The following FAF1 variants were observed in gnomAD, a reference collection of about 807,000 sequenced individuals.
The protein encoded by FAF1 is FAS-associated factor 1.
Under a neutral mutation model 92.5 loss-of-function variants are expected in FAF1, and 25 were observed. The ratio of observed to expected loss-of-function variants is 0.27; its 90% CI spans 0.20 to 0.38. The LOEUF (loss-of-function observed/expected upper bound fraction) is 0.38. FAF1 is among the 10% of genes least tolerant of loss of function. The pLI is 1.00. For synonymous variants in FAF1, 234 were observed against 273.2 expected (o/e 0.86, Z 1.42); for missense variants, 636 against 793.3 (o/e 0.80, Z 2.38).
At chr1:50,475,131 C>G (rs768316214) in intron 18 of FAF1, among the ~76,000 whole-genome samples, 32 of 152,322 alleles carry the variant, frequency 2.1e-4, no homozygotes, top group Non-Finnish European at 3.8e-4. Flanking sequence ...ACATACAATT[C>G]TCAGGTATAT....
chr1:50,665,952 G>A (rs1284166592), intron 7 of FAF1, among the ~76,000 whole-genome samples: 1 of 151,998 alleles, frequency 6.6e-6, no homozygotes. Context: ...CAAGGTGGGC[G>A]GATCCCTTGA....
intron 8 of FAF1, among the ~76,000 whole-genome samples, chr1:50,623,338 C>A (rs546501916): frequency 6.6e-6 from 1 of 151,508 alleles, no homozygotes; most frequent in Non-Finnish European, 1.5e-5. Context: ...GAGGCCAAGG[C>A]GGGTGGACTG....
intron 13 of FAF1, among the ~76,000 whole-genome samples, chr1:50,564,675 T>A (rs1462347999): frequency 1.3e-5 from 2 of 152,080 alleles, no homozygotes; most frequent in Non-Finnish European, 2.9e-5. Context: ...GGTGTAAAAA[T>A]CCAAGAAAGA....
chr1:50,617,977 T>A (rs1653006324), intron 8 of FAF1, among the ~76,000 whole-genome samples: 1 of 152,124 alleles, frequency 6.6e-6, no homozygotes, highest in Admixed American at 6.6e-5. Context: ...AGATCTTTTG[T>A]ATTTCTGTGG....
chr1:50,736,357 A>G (rs1222696296), intron 6 of FAF1, among the ~76,000 whole-genome samples: 5 of 152,252 alleles, frequency 3.3e-5, no homozygotes, highest in Admixed American at 1.3e-4. Flanking sequence ...TTCATTATGA[A>G]GTCTAGTACA....
At chr1:50,633,545 G>T (rs1315059727) in intron 8 of FAF1, among the ~76,000 whole-genome samples, 9 of 152,100 alleles carry the variant, frequency 5.9e-5, no homozygotes. Flanking sequence ...TCAAGCTGCC[G>T]CTGAATGTCA....
rs1237413130 is a variant in FAF1, at chr1:50,811,326, G to A, written c.115-9649C>T. Among the ~76,000 whole-genome samples, 3 of 151,780 alleles carry A rather than the reference G, an allele frequency of 2.0e-5. No individual in the cohort carries two copies. The East Asian group carries it at 5.8e-4, about 29-fold the overall frequency. ...TGCACTCCAGCTTGAGTAACAGAGG[G>A]GTCAAACAACAAAAACAACAACAGC... On this transcript the variant is annotated intron_variant, in intron 2 of 18. Transcript: ENST00000396153.
rs188738568 is a variant in FAF1, at chr1:50,497,739, G to A, written c.1495-5938C>T. Among the ~76,000 whole-genome samples the A allele has an allele frequency of 3.1e-4, 47 of 151,570 alleles. No homozygotes were observed. In the East Asian group the frequency reaches 8.6e-3, roughly 28 times the overall value. On this transcript the variant is annotated intron_variant, in intron 15 of 18. Coordinates refer to ENST00000396153, the MANE Select transcript of FAF1 (RefSeq NM_007051.3). ...AATATTTTGTATTTTTAGTAGAGAC[G>A]GGGTTTCACCATCTTGGCCAGGCTG...
At chr1:50,632,459 G>A (rs1465480322) in intron 8 of FAF1, among the ~76,000 whole-genome samples, 1 of 152,004 alleles carries the variant, frequency 6.6e-6, no homozygotes, top group African/African-American at 2.4e-5. Flanking sequence ...CAATAAATCA[G>A]GAACACATCT....
At chr1:50,901,577 T>C (rs927179192) in intron 1 of FAF1, among the ~76,000 whole-genome samples, 2 of 151,692 alleles carry the variant, frequency 1.3e-5, no homozygotes, top group East Asian at 3.9e-4. Flanking sequence ...AACTGTTGGC[T>C]GGCCACAGTG....
intron 1 of FAF1, among the ~76,000 whole-genome samples, chr1:50,903,929 G>A (rs1644815582): frequency 1.3e-5 from 2 of 152,110 alleles, no homozygotes; most frequent in South Asian, 4.1e-4. Context: ...CTACGTACAT[G>A]AAAACTGTAT....
intron 15 of FAF1, among the ~76,000 whole-genome samples, chr1:50,533,400 A>AT (rs200611700): frequency 1.3e-5 from 2 of 151,320 alleles, no homozygotes; most frequent in African/African-American, 2.4e-5. Context: ...TTGTAACCAA[A>AT]TTTTTTTTTC....
intron 1 of FAF1, among the ~76,000 whole-genome samples, chr1:50,908,701 CT>C (rs561269046): frequency 7.3e-5 from 11 of 150,280 alleles, no homozygotes; most frequent in East Asian, 1.9e-4. Flanking sequence ...CAACCCCTGC[CT>C]TTTTTTTTGC....
chr1:50,846,492 A>C lies in FAF1; in HGVS notation c.114+11437T>G, dbSNP rs1392240642. ...GCATGCCCCGCTATAAGCTGGCTTT[A>C]ATCCTGAAAGCCATGCCGCGGCCAG... On this transcript the variant is annotated intron_variant, in intron 2 of 18. Coordinates refer to ENST00000396153, the MANE Select transcript of FAF1 (RefSeq NM_007051.3). The C allele has an allele frequency of 1.0e-5, 5 of 489,022 alleles. No individual in the cohort carries two copies. The Admixed American group carries it at 1.1e-4, about 11-fold the overall frequency. 30.3% of individuals were successfully genotyped at this position (489,022 alleles called of 1,614,324 possible).
chr1:50,875,335 T>G (rs1644561847), intron 1 of FAF1, among the ~76,000 whole-genome samples: 1 of 152,210 alleles, frequency 6.6e-6, no homozygotes, highest in Non-Finnish European at 1.5e-5. Flanking sequence ...ATGTATACAT[T>G]GTAGAATGGC....
At chr1:50,501,660 C>CA (rs543026675) in intron 15 of FAF1, among the ~76,000 whole-genome samples, 34,940 of 105,936 alleles carry the variant, frequency 0.33, 4,762 homozygotes, top group Middle Eastern at 0.51. Context: ...GACTCCGTCT[C>CA]AAAAAAAAAA....
chr1:50,644,770 G>A (rs1340977981), intron 8 of FAF1, among the ~76,000 whole-genome samples: 2 of 152,148 alleles, frequency 1.3e-5, no homozygotes, highest in Non-Finnish European at 2.9e-5. Flanking sequence ...ACAGAGAGGG[G>A]GAAAATCCCA....
chr1:50,739,560 T>C (rs1659304524), intron 5 of FAF1, among the ~76,000 whole-genome samples: 1 of 152,160 alleles, frequency 6.6e-6, no homozygotes, highest in Non-Finnish European at 1.5e-5. Flanking sequence ...ACTCAATTAC[T>C]TTTTCACTGA....
At chr1:50,476,839 A>G (rs553425055) in intron 17 of FAF1, among the ~76,000 whole-genome samples, 111 of 152,314 alleles carry the variant, frequency 7.3e-4, no homozygotes, top group Non-Finnish European at 9.0e-4. Context: ...TGAGAATAAC[A>G]GTATAAAGAA....
Sources: allele counts gnomAD v4.1 joint callset (sites outside exome capture counted in the v4.1 genomes callset), GRCh38; gene constraint gnomAD v4.1.1; transcripts MANE v1.5; gene names NCBI Gene and HGNC (gene_info 2026-07-23, HGNC 2026-07-21).